Variants in ANO2 observed in about 807,000 individuals in gnomAD.
ANO2 encodes anoctamin-2.
Under a neutral mutation model 124.2 loss-of-function variants are expected in ANO2, and 101 were observed. The observed-to-expected ratio is 0.81, with a 90% CI of 0.69 to 0.96. ANO2 has a LOEUF of 0.96. Ranked by LOEUF, ANO2 falls within the 40% of genes least tolerant of loss-of-function variation. The probability of loss-of-function intolerance (pLI) is 0.00; values close to 1 mark genes in which losing one functional copy is unlikely to be tolerated. For missense variants in ANO2, 1,293 were observed against 1,274.5 expected (o/e 1.01, Z -0.22); for synonymous variants, 486 against 482.5 (o/e 1.01, Z -0.09).
chr12:5,765,969 T>C (rs955808978), intron 10 of ANO2, among the ~76,000 whole-genome samples: 1 of 152,142 alleles, frequency 6.6e-6, no homozygotes, highest in African/African-American at 2.4e-5. Context: ...ACTCCCTTAA[T>C]CATCAGGGAA....
At position 5,732,468 on chromosome 12, in the gene ANO2, A is replaced by G; in HGVS notation, c.1545+52T>C. On this transcript the variant is annotated intron_variant, in intron 14 of 24. Transcript: ENST00000682330. ...CTAAGGCGTGCCAAACAAAATGACA[A>G]CAGGATCTCAACAAGTAAAGAGGAC... is the stretch of plus-strand genomic sequence containing the variant. The G allele has an allele frequency of 2.0e-6, 3 of 1,507,250 alleles. No individual in the cohort carries two copies. The South Asian group carries it at 3.7e-5, about 19-fold the overall frequency. The allele number at this position is 1,507,250 out of a possible 1,614,324, so 93.4% of individuals were successfully genotyped here.
At chr12:5,667,848 C>T (rs1247298695) in intron 14 of ANO2, among the ~76,000 whole-genome samples, 1 of 152,200 alleles carries the variant, frequency 6.6e-6, no homozygotes, top group Non-Finnish European at 1.5e-5. Flanking sequence ...ACAATGACTT[C>T]CAGCTCCATC....
chr12:5,933,970 G>T (rs1194100805), intron 1 of ANO2, among the ~76,000 whole-genome samples: 2 of 152,138 alleles, frequency 1.3e-5, no homozygotes, highest in Non-Finnish European at 2.9e-5. Context: ...AAAAGCTTTT[G>T]GAGGTAACGA....
At chr12:5,645,397 AC>A (rs1409536770) in intron 15 of ANO2, among the ~76,000 whole-genome samples, 5 of 151,822 alleles carry the variant, frequency 3.3e-5, no homozygotes, top group Non-Finnish European at 5.9e-5. Flanking sequence ...TCAAGAAAAA[AC>A]AAATCTATCC....
intron 13 of ANO2, among the ~76,000 whole-genome samples, chr12:5,734,190 A>C (rs976665242): frequency 2.6e-5 from 4 of 152,148 alleles, no homozygotes; most frequent in African/African-American, 4.8e-5. Context: ...CACATTCAAA[A>C]CTCTGAAAAG....
At chr12:5,776,407 T>C (rs1952234152) in intron 10 of ANO2, among the ~76,000 whole-genome samples, 1 of 152,242 alleles carries the variant, frequency 6.6e-6, no homozygotes, top group Non-Finnish European at 1.5e-5. Flanking sequence ...TCATTGAAAG[T>C]ACCTCAAGGA....
At chr12:5,582,174 C>A (rs1745725308) in intron 20 of ANO2, among the ~76,000 whole-genome samples, 1 of 152,216 alleles carries the variant, frequency 6.6e-6, no homozygotes, top group Non-Finnish European at 1.5e-5. Context: ...ATAATAGAAG[C>A]CAGCTCGGCC....
intron 11 of ANO2, among the ~76,000 whole-genome samples, chr12:5,745,419 G>C (rs1951237592): frequency 1.3e-5 from 2 of 152,200 alleles, no homozygotes; most frequent in Admixed American, 6.5e-5. Context: ...CCAGCACTGA[G>C]AACCACAGCT....
At chr12:5,893,810 G>A (rs773181786) in intron 3 of ANO2, among the ~76,000 whole-genome samples, 1 of 152,098 alleles carries the variant, frequency 6.6e-6, no homozygotes, top group Non-Finnish European at 1.5e-5. Flanking sequence ...TCTGTGCAAA[G>A]GACATGAACT....
At chr12:5,882,926 A>G (rs1324698204) in intron 3 of ANO2, among the ~76,000 whole-genome samples, 1 of 152,198 alleles carries the variant, frequency 6.6e-6, no homozygotes, top group Non-Finnish European at 1.5e-5. Flanking sequence ...GGAAATTATG[A>G]GGATGAGGTT....
intron 4 of ANO2, among the ~76,000 whole-genome samples, chr12:5,843,125 C>T (rs746541877): frequency 1.1e-4 from 16 of 152,268 alleles, no homozygotes; most frequent in Non-Finnish European, 1.5e-4. Flanking sequence ...ATGTAAACGG[C>T]ATCAGTTCTA....
At chr12:5,741,408 G>A (rs1951089412) in intron 12 of ANO2, among the ~76,000 whole-genome samples, 1 of 152,128 alleles carries the variant, frequency 6.6e-6, no homozygotes. Flanking sequence ...TTGGATTTGA[G>A]GCCTTTCTCG....
At chr12:5,933,740 T>C (rs1195335996) in intron 1 of ANO2, among the ~76,000 whole-genome samples, 1 of 152,178 alleles carries the variant, frequency 6.6e-6, no homozygotes, top group Non-Finnish European at 1.5e-5. Flanking sequence ...CATTCCTCTT[T>C]AGTCAAACCT....
intron 4 of ANO2, among the ~76,000 whole-genome samples, chr12:5,837,867 C>A (rs1374483604): frequency 1.3e-5 from 2 of 151,700 alleles, no homozygotes; most frequent in Admixed American, 6.6e-5. Flanking sequence ...AAAATCAGAG[C>A]AGAACTGAAG....
At chr12:5,812,724 G>A (rs1451852567) in intron 7 of ANO2, among the ~76,000 whole-genome samples, 7 of 32,290 alleles carry the variant, frequency 2.2e-4, no homozygotes, top group Admixed American at 4.2e-4. Flanking sequence ...AAGGAAGGGA[G>A]GGAGGGAGGC....
chr12:5,629,465 T>G (rs1408067524), intron 16 of ANO2, among the ~76,000 whole-genome samples: 4 of 152,318 alleles, frequency 2.6e-5, no homozygotes, highest in Non-Finnish European at 5.9e-5. Context: ...GGTCCTGACC[T>G]GAGGAGGAAG....
intron 10 of ANO2, among the ~76,000 whole-genome samples, chr12:5,771,410 C>A (rs1329771225): frequency 6.6e-6 from 1 of 152,084 alleles, no homozygotes; most frequent in African/African-American, 2.4e-5. Context: ...TAGATTTAAG[C>A]CTCCCAGCTT....
At chr12:5,659,033 C>T (rs1947318060) in intron 14 of ANO2, among the ~76,000 whole-genome samples, 1 of 152,118 alleles carries the variant, frequency 6.6e-6, no homozygotes. Context: ...CTCTTCTTAT[C>T]CCAAAATCTC....
chr12:5,563,682 G>A, intron 24 of ANO2, 114 bp from the exon 25 acceptor site: 2 of 1,355,134 alleles, frequency 1.5e-6, no homozygotes, highest in South Asian at 1.3e-5. Context: ...TACCAGCCCA[G>A]TGATCGCAAC....
Sources: allele counts gnomAD v4.1 joint callset (sites outside exome capture counted in the v4.1 genomes callset), GRCh38; gene constraint gnomAD v4.1.1; transcripts MANE v1.5; gene names NCBI Gene and HGNC (gene_info 2026-07-23, HGNC 2026-07-21).